ARHGAP24: variants seen among roughly 807,000 people sequenced by gnomAD.
ARHGAP24 encodes the protein rho GTPase-activating protein 24.
A neutral mutation model predicts 76.4 loss-of-function variants in ARHGAP24; 50 were observed. That is an observed-to-expected ratio of 0.65 (90% CI 0.52 to 0.83). ARHGAP24 has a LOEUF of 0.83. Among genes scored for constraint, ARHGAP24 ranks in the 40% least tolerant of loss-of-function variants. The pLI is 0.00. For missense variants in ARHGAP24, 930 were observed against 914.2 expected (o/e 1.02, Z -0.22); for synonymous variants, 345 against 323.3 (o/e 1.07, Z -0.72).
At chr4:85,837,289 A>C (rs142313929) in intron 3 of ARHGAP24, among the ~76,000 whole-genome samples, 127 of 152,328 alleles carry the variant, frequency 8.3e-4, no homozygotes, top group African/African-American at 3.0e-3. Context: ...TAACTGGGTC[A>C]TACAATCTAA....
At chr4:85,551,444 G>A (rs1406272870) in intron 1 of ARHGAP24, among the ~76,000 whole-genome samples, 1 of 152,100 alleles carries the variant, frequency 6.6e-6, no homozygotes, top group African/African-American at 2.4e-5. Context: ...ATTCTGTTGA[G>A]GATTTTTGCA....
At position 85,923,781 on chromosome 4, in the gene ARHGAP24, T is replaced by C. The variant is rs1447232215; in HGVS notation, c.391+11T>C. 6.2e-7 allele frequency: 1 copy of C among 1,613,874 alleles called. No individual in the cohort carries two copies. Among genetic ancestry groups the C allele is most frequent in the Admixed American group, 1.7e-5 (1 of 59,980 alleles). On this transcript the variant is annotated intron_variant, in intron 4 of 9. Transcript: ENST00000395184. Reference sequence around the variant, plus strand: ...GACCTTTCGGAGGAGGTGAGTGTACTTTAAAATCATGGAAAAACAGAAAGG... The same window carrying C: ...GACCTTTCGGAGGAGGTGAGTGTACCTTAAAATCATGGAAAAACAGAAAGG...
At chr4:85,866,528 T>G (rs1469383708) in intron 3 of ARHGAP24, among the ~76,000 whole-genome samples, 1 of 152,132 alleles carries the variant, frequency 6.6e-6, no homozygotes, top group African/African-American at 2.4e-5. Flanking sequence ...GATCTTTTGC[T>G]GCTGGTTGTC....
At chr4:85,687,367 A>G (rs1228944693) in intron 2 of ARHGAP24, among the ~76,000 whole-genome samples, 4 of 152,118 alleles carry the variant, frequency 2.6e-5, no homozygotes, top group Non-Finnish European at 5.9e-5. Flanking sequence ...CATGGATCCT[A>G]TCACCCAGGT....
intron 2 of ARHGAP24, among the ~76,000 whole-genome samples, chr4:85,665,047 GA>G (rs779624266): frequency 9.0e-4 from 137 of 152,228 alleles, no homozygotes; most frequent in Non-Finnish European, 1.2e-3. Flanking sequence ...GTGCAGAGCT[GA>G]GTTCAATTCC....
At chr4:85,943,529 A>G (rs1270066288) in intron 5 of ARHGAP24, among the ~76,000 whole-genome samples, 1 of 152,060 alleles carries the variant, frequency 6.6e-6, no homozygotes, top group Non-Finnish European at 1.5e-5. Context: ...TTACATAGGT[A>G]TACACGTGCC....
intron 3 of ARHGAP24, among the ~76,000 whole-genome samples, chr4:85,853,418 C>T (rs1477657933): frequency 1.3e-5 from 2 of 152,156 alleles, no homozygotes; most frequent in Non-Finnish European, 2.9e-5. Flanking sequence ...AATCTTCTGA[C>T]CCCTTGTGCT....
chr4:85,679,357 A>G (rs1432404300), intron 2 of ARHGAP24, among the ~76,000 whole-genome samples: 2 of 152,188 alleles, frequency 1.3e-5, no homozygotes, highest in Non-Finnish European at 2.9e-5. Context: ...TCTCCCCCAC[A>G]AAAGACAGAT....
chr4:85,520,582 C>A (rs2110110768), intron 1 of ARHGAP24, among the ~76,000 whole-genome samples: 1 of 152,264 alleles, frequency 6.6e-6, no homozygotes, highest in Admixed American at 6.5e-5. Flanking sequence ...TCCTAACTAT[C>A]TCTCTGCATT....
rs557698227 is a variant in ARHGAP24, at chr4:85,513,558, T to A, written c.-21+37999T>A. ...TCCACTTAGAATGATTGCCTTTTTT[T>A]TAAAAAAAAAAGCTTCCTTGCATTT... On this transcript the variant is annotated intron_variant, in intron 1 of 9. Coordinates refer to ENST00000395184, the MANE Select transcript of ARHGAP24 (RefSeq NM_001025616.3). Among the ~76,000 whole-genome samples the A allele has an allele frequency of 6.5e-3, 947 of 146,434 alleles. 7 individuals carry two copies. The highest frequency in any genetic ancestry group is 0.023 in the African/African-American group (891 of 38,982).
chr4:85,789,068 G>A (rs1490477963), intron 3 of ARHGAP24, among the ~76,000 whole-genome samples: 1 of 151,996 alleles, frequency 6.6e-6, no homozygotes, highest in Non-Finnish European at 1.5e-5. Flanking sequence ...CCAGCATAGG[G>A]TCTGGTCTCC....
intron 3 of ARHGAP24, among the ~76,000 whole-genome samples, chr4:85,763,931 A>G (rs937747042): frequency 1.3e-5 from 2 of 152,194 alleles, no homozygotes; most frequent in Non-Finnish European, 1.5e-5. Flanking sequence ...TTACATTAAC[A>G]TTGTACATAA....
intron 2 of ARHGAP24, among the ~76,000 whole-genome samples, chr4:85,694,104 G>A (rs1723779349): frequency 6.6e-6 from 1 of 151,934 alleles, no homozygotes; most frequent in Non-Finnish European, 1.5e-5. Flanking sequence ...TGTCTGCATT[G>A]CATCTCCGTC....
At chr4:85,644,566 G>T (rs2109973991) in intron 2 of ARHGAP24, among the ~76,000 whole-genome samples, 1 of 152,048 alleles carries the variant, frequency 6.6e-6, no homozygotes, top group South Asian at 2.1e-4. Context: ...TCTTAAGATA[G>T]AGATAACTAA....
chr4:85,625,682 C>T (rs1481018539), intron 2 of ARHGAP24, among the ~76,000 whole-genome samples: 1 of 152,128 alleles, frequency 6.6e-6, no homozygotes, highest in Non-Finnish European at 1.5e-5. Flanking sequence ...GTTAAAATCT[C>T]CCATTATTAT....
intron 1 of ARHGAP24, among the ~76,000 whole-genome samples, chr4:85,554,348 A>T (rs1458605514): frequency 1.3e-5 from 2 of 152,178 alleles, no homozygotes; most frequent in Non-Finnish European, 2.9e-5. Flanking sequence ...GAACATTGGC[A>T]TCTCTAGCGA....
At chr4:85,958,613 G>A (rs1274812942) in intron 5 of ARHGAP24, among the ~76,000 whole-genome samples, 3 of 152,044 alleles carry the variant, frequency 2.0e-5, no homozygotes, top group Non-Finnish European at 4.4e-5. Context: ...GACTCAGATT[G>A]TAAATTTTCT....
intron 3 of ARHGAP24, among the ~76,000 whole-genome samples, chr4:85,792,926 G>A (rs931855034): frequency 6.6e-6 from 1 of 152,110 alleles, no homozygotes; most frequent in Non-Finnish European, 1.5e-5. Context: ...TGTATGCAGA[G>A]AATCCATTGT....
At chr4:85,487,787 T>C (rs868375202) in intron 1 of ARHGAP24, among the ~76,000 whole-genome samples, 21 of 110,898 alleles carry the variant, frequency 1.9e-4, no homozygotes, top group Middle Eastern at 4.2e-3. Context: ...TATTATATAT[T>C]ATATAAATAT....
Sources: allele counts gnomAD v4.1 joint callset (sites outside exome capture counted in the v4.1 genomes callset), GRCh38; gene constraint gnomAD v4.1.1; transcripts MANE v1.5; gene names NCBI Gene and HGNC (gene_info 2026-07-23, HGNC 2026-07-21).